Variants in RNF220 observed in about 807,000 individuals in gnomAD.
RNF220 encodes the protein E3 ubiquitin-protein ligase RNF220.
Under a neutral mutation model 67.1 loss-of-function variants are expected in RNF220, and 7 were observed. The observed-to-expected ratio is 0.10, with a 90% CI of 0.06 to 0.20. RNF220 has a LOEUF of 0.20. Ranked by LOEUF, RNF220 falls within the 10% of genes least tolerant of loss-of-function variation. The pLI, the probability that RNF220 is intolerant of heterozygous loss-of-function variation, is 1.00. For missense variants in RNF220, 565 were observed against 740.3 expected, an observed-to-expected ratio of 0.76 and a Z score of 2.75; for synonymous variants, 270 against 283.2, an observed-to-expected ratio of 0.95 and a Z score of 0.47.
intron 2 of RNF220, among the ~76,000 whole-genome samples, chr1:44,449,177 A>G (rs1009260459): frequency 9.2e-5 from 14 of 152,210 alleles, no homozygotes; most frequent in Non-Finnish European, 1.8e-4. Context: ...TGACCTGGAG[A>G]AAGTCTCTAA....
intron 2 of RNF220, among the ~76,000 whole-genome samples, chr1:44,463,259 C>T (rs1045417319): frequency 6.6e-6 from 1 of 151,434 alleles, no homozygotes; most frequent in Non-Finnish European, 1.5e-5. Context: ...CGTTTCAACC[C>T]GGGAGGCAGA....
At position 44,499,994 on chromosome 1, in the gene RNF220, CTCCATCTCTACCACA is replaced by C. The variant is rs879931430; in HGVS notation, c.625+87274_625+87288del. On this transcript the variant is annotated intron_variant, in intron 2 of 14. Coordinates refer to ENST00000361799, the MANE Select transcript of RNF220 (RefSeq NM_018150.4). ...TTGGTTCCCAAATCTGACAGCTTCTCTCCATCTCTACCACATGACCCTGGACCAAGCCACTACTAC... is the reference window on the plus strand; with the variant it reads ...TTGGTTCCCAAATCTGACAGCTTCTCTGACCCTGGACCAAGCCACTACTAC... 1.2e-3 allele frequency among the ~76,000 whole-genome samples: 143 copies of C among 119,410 alleles called. No homozygotes were observed. The Middle Eastern group carries it at 0.013, about 11-fold the overall frequency. The allele number at this position is 119,410 out of a possible 152,430, so 78.3% of individuals were successfully genotyped here. A position where few individuals can be genotyped will look rare whatever the true frequency, so the allele number is the denominator to read the frequency against.
At chr1:44,502,381 C>T (rs1456191485) in intron 2 of RNF220, among the ~76,000 whole-genome samples, 1 of 151,976 alleles carries the variant, frequency 6.6e-6, no homozygotes, top group East Asian at 1.9e-4. Context: ...TGAATTCCAG[C>T]CTGAAAATAT....
chr1:44,442,455 TAA>T (rs1439183121), intron 2 of RNF220, among the ~76,000 whole-genome samples: 1 of 150,842 alleles, frequency 6.6e-6, no homozygotes, highest in African/African-American at 2.4e-5. Context: ...CATATTATCT[TAA>T]AAAGAGTCCA....
At chr1:44,567,926 G>A (rs1664146558) in intron 2 of RNF220, among the ~76,000 whole-genome samples, 1 of 152,136 alleles carries the variant, frequency 6.6e-6, no homozygotes. Flanking sequence ...GACTCCTGGA[G>A]GTTCCCATTG....
intron 2 of RNF220, among the ~76,000 whole-genome samples, chr1:44,543,545 G>A (rs978530886): frequency 2.0e-5 from 3 of 151,532 alleles, no homozygotes; most frequent in Admixed American, 1.3e-4. Context: ...GGGAGAATGA[G>A]AGAGAGAGAG....
At chr1:44,527,717 G>A (rs945582160) in intron 2 of RNF220, among the ~76,000 whole-genome samples, 2 of 151,864 alleles carry the variant, frequency 1.3e-5, no homozygotes, top group Non-Finnish European at 2.9e-5. Context: ...TCTGAGGGCA[G>A]GAGTTCGAGA....
intron 2 of RNF220, among the ~76,000 whole-genome samples, chr1:44,531,729 T>C (rs1297322391): frequency 6.6e-6 from 1 of 152,226 alleles, no homozygotes; most frequent in Non-Finnish European, 1.5e-5. Flanking sequence ...TGATCTGGTC[T>C]CTTCTTCCAT....
At chr1:44,462,900 G>A (rs559473798) in intron 2 of RNF220, among the ~76,000 whole-genome samples, 7 of 152,112 alleles carry the variant, frequency 4.6e-5, no homozygotes, top group South Asian at 2.1e-4. Flanking sequence ...GGTGGCAGGC[G>A]CCTGTAGTCC....
Position 44,545,917 on chromosome 1 carries a change from C to T in RNF220, c.626-68248C>T, listed in dbSNP as rs530919233. ...GATTACAGGCATGCGCCACCACGCC[C>T]GGCTAATTTTCTATTTATAGTAGAG... On this transcript the variant is annotated intron_variant, in intron 2 of 14. Coordinates refer to ENST00000361799, the MANE Select transcript of RNF220 (RefSeq NM_018150.4). 2.2e-3 allele frequency among the ~76,000 whole-genome samples: 334 copies of T among 152,144 alleles called. 1 individual carries two copies. Among genetic ancestry groups the T allele is most frequent in the South Asian group, 8.1e-3 (39 of 4,816 alleles).
At chr1:44,534,519 T>C (rs1661059269) in intron 2 of RNF220, among the ~76,000 whole-genome samples, 1 of 152,214 alleles carries the variant, frequency 6.6e-6, no homozygotes, top group African/African-American at 2.4e-5. Context: ...CGATTGCATC[T>C]AAATACCAAA....
At chr1:44,507,465 T>A (rs984722609) in intron 2 of RNF220, among the ~76,000 whole-genome samples, 26 of 146,588 alleles carry the variant, frequency 1.8e-4, no homozygotes, top group African/African-American at 6.1e-4. Flanking sequence ...GGGGGTGGGG[T>A]GAAGGGGGAA....
chr1:44,629,980 T>C (rs1412071368), intron 5 of RNF220, among the ~76,000 whole-genome samples: 3 of 152,236 alleles, frequency 2.0e-5, no homozygotes, highest in Non-Finnish European at 4.4e-5. Context: ...ACCCAGAGAC[T>C]AGCTGGGTAT....
chr1:44,407,422 A>AG (rs967327472), intron 1 of RNF220, among the ~76,000 whole-genome samples: 2 of 152,004 alleles, frequency 1.3e-5, no homozygotes, highest in Non-Finnish European at 2.9e-5. Flanking sequence ...GAATGAGCAG[A>AG]GGGGGGAAAG....
intron 2 of RNF220, among the ~76,000 whole-genome samples, chr1:44,556,381 A>G (rs1243650844): frequency 6.6e-6 from 1 of 150,600 alleles, no homozygotes; most frequent in Non-Finnish European, 1.5e-5. Flanking sequence ...GCTTTAGCAC[A>G]GTGCCTGGCA....
At chr1:44,433,820 G>A (rs897339297) in intron 2 of RNF220, among the ~76,000 whole-genome samples, 20 of 152,220 alleles carry the variant, frequency 1.3e-4, no homozygotes, top group African/African-American at 4.8e-4. Flanking sequence ...AACATTAGCT[G>A]GTGCAGTGGT....
chr1:44,532,293 A>G (rs1419284525), intron 2 of RNF220, among the ~76,000 whole-genome samples: 2 of 152,180 alleles, frequency 1.3e-5, no homozygotes, highest in Non-Finnish European at 2.9e-5. Flanking sequence ...GACCTTATCA[A>G]CTAAAACCCC....
intron 3 of RNF220, among the ~76,000 whole-genome samples, chr1:44,618,225 C>T (rs1643642814): frequency 1.3e-5 from 2 of 152,200 alleles, no homozygotes; most frequent in African/African-American, 4.8e-5. Flanking sequence ...AGGAACCTTC[C>T]AGCTCCAGAG....
chr1:44,489,737 CT>C (rs1241947256), intron 2 of RNF220, among the ~76,000 whole-genome samples: 1 of 152,240 alleles, frequency 6.6e-6, no homozygotes, highest in Non-Finnish European at 1.5e-5. Context: ...AGAAGTCATC[CT>C]TCAACTGTGT....
Sources: allele counts gnomAD v4.1 joint callset (sites outside exome capture counted in the v4.1 genomes callset), GRCh38; gene constraint gnomAD v4.1.1; transcripts MANE v1.5; gene names NCBI Gene and HGNC (gene_info 2026-07-23, HGNC 2026-07-21).